Variants in CHL1 observed in about 807,000 individuals in gnomAD.
The protein encoded by CHL1 is neural cell adhesion molecule L1-like protein.
Under a neutral mutation model 141.9 loss-of-function variants are expected in CHL1, and 96 were observed. The ratio of observed to expected loss-of-function variants is 0.68; its 90% CI spans 0.57 to 0.80. The LOEUF (loss-of-function observed/expected upper bound fraction) is 0.80. CHL1 is among the 30% of genes least tolerant of loss of function. The pLI is 0.00. For missense variants in CHL1, 1,820 were observed against 1,457.2 expected, an observed-to-expected ratio of 1.25 and a Z score of -4.05; for synonymous variants, 613 against 502.2, an observed-to-expected ratio of 1.22 and a Z score of -2.95.
At chr3:209,648 T>C (rs775256298) in intron 1 of CHL1, among the ~76,000 whole-genome samples, 17 of 152,210 alleles carry the variant, frequency 1.1e-4, no homozygotes, top group Non-Finnish European at 2.4e-4. Context: ...ATGTGCCATG[T>C]TGGTGTGCTG....
At chr3:297,844 A>G (rs188371127) in intron 2 of CHL1, among the ~76,000 whole-genome samples, 8 of 152,308 alleles carry the variant, frequency 5.3e-5, no homozygotes, top group Non-Finnish European at 1.2e-4. Context: ...AACTGATTTT[A>G]ATATTGTGAA....
intron 10 of CHL1, 72 bp from the exon 11 acceptor site, chr3:354,568 A>C (rs1703544094): frequency 3.9e-6 from 6 of 1,519,558 alleles, no homozygotes; most frequent in Middle Eastern, 1.8e-4. Flanking sequence ...CAAAGTAGAA[A>C]TACAGGCCTT....
intron 1 of CHL1, among the ~76,000 whole-genome samples, chr3:229,240 A>G (rs1701655326): frequency 6.6e-6 from 1 of 152,156 alleles, no homozygotes; most frequent in Non-Finnish European, 1.5e-5. Context: ...AAAATCCTTC[A>G]TAATGTTTTT....
intron 2 of CHL1, among the ~76,000 whole-genome samples, chr3:295,885 A>T (rs1358549774): frequency 1.3e-5 from 2 of 152,214 alleles, no homozygotes; most frequent in African/African-American, 4.8e-5. Flanking sequence ...GATTGAGTGT[A>T]CACAGATCTA....
At chr3:279,071 C>T (rs548542856) in intron 2 of CHL1, among the ~76,000 whole-genome samples, 1 of 152,200 alleles carries the variant, frequency 6.6e-6, no homozygotes, top group Admixed American at 6.5e-5. Flanking sequence ...CAGAATGATG[C>T]CGGATATTCA....
rs528508697 is a variant in CHL1, at chr3:318,241, A to G, written c.-94-1442A>G. 3.3e-5 allele frequency among the ~76,000 whole-genome samples: 5 copies of G among 152,044 alleles called. No individual in the cohort carries two copies. In the East Asian group the frequency reaches 9.7e-4, roughly 29 times the overall value. ...AAATTTTACCAATCGGTACATATAT[A>G]CAAAAGATACAGGTCTATAATATCT... On this transcript the variant is annotated intron_variant, in intron 2 of 27. Transcript: ENST00000256509.
At chr3:285,392 A>G (rs1474269512) in intron 2 of CHL1, among the ~76,000 whole-genome samples, 1 of 152,242 alleles carries the variant, frequency 6.6e-6, no homozygotes, top group Non-Finnish European at 1.5e-5. Context: ...GAGCCAATGT[A>G]TATTTTTATA....
intron 2 of CHL1, among the ~76,000 whole-genome samples, chr3:314,918 A>G (rs1465699392): frequency 2.6e-5 from 4 of 152,072 alleles, no homozygotes; most frequent in Non-Finnish European, 4.4e-5. Flanking sequence ...ATCAGAGAAG[A>G]TTTTGCAATC....
At chr3:381,829 G>A (rs1048224089) in intron 16 of CHL1, among the ~76,000 whole-genome samples, 1 of 152,104 alleles carries the variant, frequency 6.6e-6, no homozygotes, top group African/African-American at 2.4e-5. Flanking sequence ...TTTGGTGAGA[G>A]TCTGGGTTCC....
chr3:326,668 AG>A (rs2125070990), intron 4 of CHL1, among the ~76,000 whole-genome samples: 1 of 151,984 alleles, frequency 6.6e-6, no homozygotes, highest in South Asian at 2.1e-4. Context: ...TTGGGGAGGA[AG>A]AAAAAAATGT....
At chr3:287,341 C>G in intron 2 of CHL1, among the ~76,000 whole-genome samples, 1 of 152,270 alleles carries the variant, frequency 6.6e-6, no homozygotes, top group African/African-American at 2.4e-5. Flanking sequence ...TGCAGACACT[C>G]AATGTATATT....
At chr3:258,768 G>T (rs73092552) in intron 2 of CHL1, among the ~76,000 whole-genome samples, 8,320 of 152,068 alleles carry the variant, frequency 0.055, 733 homozygotes, top group African/African-American at 0.19. Flanking sequence ...ACGAAAGTGA[G>T]ACAATTGCAT....
Position 344,631 on chromosome 3 carries a change from C to T in CHL1, c.770C>T (p.Pro257Leu). 1 of 1,612,288 alleles carries T rather than the reference C, an allele frequency of 6.2e-7. No homozygotes were observed. The highest frequency in any genetic ancestry group is 8.5e-7 in the Non-Finnish European group (1 of 1,178,870). ...KQRKPKLLLP[P>L]TESGSESSIT... is the part of the protein sequence containing the mutation. The stretch of plus-strand genomic sequence containing the variant: ...AGAAAACCCAAACTGCTGTTGCCTC[C>T]CACTGAGAGTGGCAGTGAGTCTTCA... The change falls in exon 9 of 28, where the codon CCC (proline) becomes CTC (leucine). Residue 257 changes from proline to leucine, a missense_variant. Physicochemically the swap from Pro to Leu is moderately conservative, Grantham distance 98. Coordinates refer to ENST00000256509, the MANE Select transcript of CHL1 (RefSeq NM_006614.4).
intron 1 of CHL1, chr3:197,871 G>GGTTT: frequency 3.0e-6 from 1 of 329,504 alleles, no homozygotes; most frequent in South Asian, 2.0e-5. Flanking sequence ...TCTTTCTCTC[G>GGTTT]CTTTTTTTTT....
intron 1 of CHL1, among the ~76,000 whole-genome samples, chr3:240,898 G>T (rs1692495348): frequency 2.6e-5 from 4 of 152,162 alleles, no homozygotes; most frequent in African/African-American, 9.7e-5. Flanking sequence ...TAGAAGATCA[G>T]TTGGCTGTAA....
chr3:224,038 G>A (rs781528878), intron 1 of CHL1, among the ~76,000 whole-genome samples: 1 of 152,102 alleles, frequency 6.6e-6, no homozygotes, highest in Non-Finnish European at 1.5e-5. Flanking sequence ...GGAGCAATTG[G>A]GAAGGTTACA....
chr3:249,074 A>G (rs1226160107), intron 2 of CHL1, among the ~76,000 whole-genome samples: 3 of 152,220 alleles, frequency 2.0e-5, no homozygotes, highest in African/African-American at 7.2e-5. Context: ...CACAAATCAC[A>G]GACATCTCTT....
At chr3:259,350 G>T (rs538733100) in intron 2 of CHL1, among the ~76,000 whole-genome samples, 14 of 150,140 alleles carry the variant, frequency 9.3e-5, no homozygotes, top group Admixed American at 5.3e-4. Context: ...TATAGTGGGG[G>T]TGGGGCAGGA....
chr3:402,494 A>G (rs528742016), intron 27 of CHL1, among the ~76,000 whole-genome samples: 1 of 152,180 alleles, frequency 6.6e-6, no homozygotes, highest in Non-Finnish European at 1.5e-5. Context: ...GGTCTCCTGT[A>G]TATTTCAGCC....
Sources: gnomAD v4.1 joint callset for allele counts (sites outside exome capture counted in the v4.1 genomes callset) on GRCh38, gnomAD v4.1.1 for gene constraint, MANE v1.5 for transcripts, NCBI Gene and HGNC (gene_info 2026-07-23, HGNC 2026-07-21) for gene names.